The following LHFPL3 variants were observed in gnomAD, a reference collection of about 807,000 sequenced individuals.
LHFPL3 encodes the protein LHFPL tetraspan subfamily member 3, also known as LHFPL tetraspan subfamily member 3 protein.
LHFPL3 carries 5 observed loss-of-function variants against 19.3 expected under a neutral mutation model. The ratio of observed to expected loss-of-function variants is 0.26; its 90% CI spans 0.14 to 0.54. The LOEUF is 0.54. Among genes scored for constraint, LHFPL3 ranks in the 20% least tolerant of loss-of-function variants. The pLI is 0.94. For missense variants in LHFPL3, 249 were observed against 307.4 expected (o/e 0.81, Z 1.42); for synonymous variants, 133 against 126.2 (o/e 1.05, Z -0.36).
intron 1 of LHFPL3, among the ~76,000 whole-genome samples, chr7:104,341,801 A>G (rs1265415599): frequency 1.3e-5 from 2 of 152,148 alleles, no homozygotes; most frequent in Non-Finnish European, 1.5e-5. Flanking sequence ...TGCCTTTTAC[A>G]GGGTCAGGTC....
At chr7:104,592,545 TG>T (rs1790747818) in intron 1 of LHFPL3, among the ~76,000 whole-genome samples, 1 of 152,160 alleles carries the variant, frequency 6.6e-6, no homozygotes, top group Non-Finnish European at 1.5e-5. Flanking sequence ...GTTAGGCCAC[TG>T]GGGGATCAGG....
At chr7:104,891,233 C>G (rs187407681) in intron 2 of LHFPL3, among the ~76,000 whole-genome samples, 2 of 152,036 alleles carry the variant, frequency 1.3e-5, no homozygotes, top group African/African-American at 4.8e-5. Flanking sequence ...CCCACAATCA[C>G]AGCAGATTCA....
intron 2 of LHFPL3, among the ~76,000 whole-genome samples, chr7:104,846,175 C>CTA (rs1791309754): frequency 6.6e-6 from 1 of 152,150 alleles, no homozygotes; most frequent in African/African-American, 2.4e-5. Flanking sequence ...TTTCCATTAC[C>CTA]TATATATCCA....
chr7:104,491,477 A>C (rs932707154), intron 1 of LHFPL3, among the ~76,000 whole-genome samples: 2 of 151,998 alleles, frequency 1.3e-5, no homozygotes, highest in African/African-American at 4.8e-5. Flanking sequence ...ATGTAAAAAA[A>C]AAAACAAATT....
intron 1 of LHFPL3, among the ~76,000 whole-genome samples, chr7:104,429,187 G>A (rs1791902464): frequency 6.6e-6 from 1 of 151,608 alleles, no homozygotes; most frequent in African/African-American, 2.4e-5. Flanking sequence ...AATTAACTTG[G>A]GCCCACAACT....
At chr7:104,722,223 G>A (rs183572583) in intron 1 of LHFPL3, among the ~76,000 whole-genome samples, 124 of 152,108 alleles carry the variant, frequency 8.2e-4, no homozygotes, top group Non-Finnish European at 8.4e-4. Context: ...GCTTACAGCC[G>A]AGGTCCAAGG....
intron 1 of LHFPL3, among the ~76,000 whole-genome samples, chr7:104,590,156 T>G (rs1261254746): frequency 6.6e-6 from 1 of 152,226 alleles, no homozygotes; most frequent in East Asian, 1.9e-4. Flanking sequence ...TTCTGCTAGC[T>G]TTTGAATGTG....
chr7:104,545,683 G>C (rs1050669215), intron 1 of LHFPL3, among the ~76,000 whole-genome samples: 1 of 152,190 alleles, frequency 6.6e-6, no homozygotes, highest in African/African-American at 2.4e-5. Flanking sequence ...CTGTGCAGAA[G>C]GTGAGAGCAG....
intron 1 of LHFPL3, among the ~76,000 whole-genome samples, chr7:104,350,418 T>G (rs1790150950): frequency 6.6e-6 from 1 of 152,208 alleles, no homozygotes; most frequent in Non-Finnish European, 1.5e-5. Context: ...CTCAACTGTC[T>G]TTTTCTCCCT....
intron 1 of LHFPL3, among the ~76,000 whole-genome samples, chr7:104,606,699 T>C (rs1990704): frequency 0.91 from 138,674 of 152,184 alleles, 63,629 homozygotes; most frequent in East Asian, 0.99. Flanking sequence ...TTAACTAATG[T>C]GAGATCGGTC....
intron 2 of LHFPL3, among the ~76,000 whole-genome samples, chr7:104,883,468 G>A (rs1351313779): frequency 1.3e-5 from 2 of 152,170 alleles, no homozygotes; most frequent in Non-Finnish European, 2.9e-5. Flanking sequence ...TGGCAGACAG[G>A]CTGTTAAAAA....
intron 1 of LHFPL3, among the ~76,000 whole-genome samples, chr7:104,661,071 T>A (rs1321691280): frequency 6.6e-6 from 1 of 152,168 alleles, no homozygotes; most frequent in Non-Finnish European, 1.5e-5. Context: ...AGTATTGAGA[T>A]CCTGTGAGCA....
At chr7:104,785,166 C>A (rs1789888477) in intron 2 of LHFPL3, 1 of 152,116 alleles carries the variant, frequency 6.6e-6, no homozygotes, top group African/African-American at 2.4e-5. Flanking sequence ...TTCCTGTCTC[C>A]CTTGCCACTC....
intron 1 of LHFPL3, among the ~76,000 whole-genome samples, chr7:104,416,080 T>C (rs1054948258): frequency 3.3e-5 from 5 of 152,204 alleles, no homozygotes; most frequent in African/African-American, 1.2e-4. Context: ...TAGGTTAAGA[T>C]AAGTTTACAC....
At chr7:104,846,271 A>T (rs376778828) in intron 2 of LHFPL3, among the ~76,000 whole-genome samples, 29 of 152,238 alleles carry the variant, frequency 1.9e-4, no homozygotes, top group South Asian at 1.4e-3. Context: ...TACCTGGAAC[A>T]TTTAAAATAT....
chr7:104,675,813 T>A (rs1219216892), intron 1 of LHFPL3, among the ~76,000 whole-genome samples: 4 of 150,986 alleles, frequency 2.6e-5, no homozygotes, highest in Non-Finnish European at 4.4e-5. Context: ...TGGAAGACTG[T>A]GAGAACAACT....
At chr7:104,874,560 AATTTTTTGT>A (rs551522306) in intron 2 of LHFPL3, among the ~76,000 whole-genome samples, 8 of 151,796 alleles carry the variant, frequency 5.3e-5, no homozygotes, top group Non-Finnish European at 1.0e-4. Context: ...ACACCCGGCT[AATTTTTTGT>A]ATTTTTTGTA....
rs193247604 is a variant in LHFPL3, at chr7:104,555,349, G to T, written c.446-181326G>T. On this transcript the variant is annotated intron_variant, in intron 1 of 2. Transcript: ENST00000424859. ...TGTTTATAAAGACAAATCTAAGACTGGGAAGAAAAAGAGTTTTAATAGACT... is the reference window on the plus strand; with the variant it reads ...TGTTTATAAAGACAAATCTAAGACTTGGAAGAAAAAGAGTTTTAATAGACT... Among the ~76,000 whole-genome samples, 54 of 152,246 alleles carry T rather than the reference G, an allele frequency of 3.5e-4. No individual in the cohort carries two copies. In the East Asian group the frequency reaches 7.9e-3, roughly 22 times the overall value.
chr7:104,637,934 T>C (rs549594104), intron 1 of LHFPL3, among the ~76,000 whole-genome samples: 3 of 151,664 alleles, frequency 2.0e-5, no homozygotes, highest in Admixed American at 1.3e-4. Flanking sequence ...AAGAATGTCA[T>C]TGGTAGTTTG....
Sources: allele counts gnomAD v4.1 joint callset (sites outside exome capture counted in the v4.1 genomes callset), GRCh38; gene constraint gnomAD v4.1.1; transcripts MANE v1.5; gene names NCBI Gene and HGNC (gene_info 2026-07-23, HGNC 2026-07-21).